AGPS: variants seen among roughly 807,000 people sequenced by gnomAD.
AGPS encodes alkyldihydroxyacetonephosphate synthase, peroxisomal.
Under a neutral mutation model 90.7 loss-of-function variants are expected in AGPS, and 26 were observed. That is an observed-to-expected ratio of 0.29 (90% confidence interval 0.21 to 0.40). AGPS has a LOEUF of 0.40. Among genes scored for constraint, AGPS ranks in the 10% least tolerant of loss-of-function variants. The pLI, the probability that AGPS is intolerant of heterozygous loss-of-function variation, is 1.00. For missense variants in AGPS, 540 were observed against 816.1 expected, an observed-to-expected ratio of 0.66 and a Z score of 4.12; for synonymous variants, 294 against 285.3, an observed-to-expected ratio of 1.03 and a Z score of -0.31.
intron 8 of AGPS, among the ~76,000 whole-genome samples, chr2:177,459,108 G>A (rs886638713): frequency 2.0e-5 from 3 of 152,150 alleles, no homozygotes; most frequent in Non-Finnish European, 4.4e-5. Flanking sequence ...TGGGAAAACT[G>A]GCTAGCCATA....
intron 7 of AGPS, among the ~76,000 whole-genome samples, chr2:177,444,498 CAT>C (rs1020688564): frequency 3.3e-5 from 5 of 150,036 alleles, no homozygotes; most frequent in African/African-American, 1.2e-4. Context: ...TTTTATGTAA[CAT>C]AAAACTAAAA....
At chr2:177,429,288 C>T (rs1686169292) in intron 2 of AGPS, among the ~76,000 whole-genome samples, 1 of 152,120 alleles carries the variant, frequency 6.6e-6, no homozygotes, top group Admixed American at 6.5e-5. Flanking sequence ...CGTTATTACC[C>T]ACCATCTGAA....
intron 9 of AGPS, among the ~76,000 whole-genome samples, chr2:177,463,526 A>T (rs1252113472): frequency 6.6e-6 from 1 of 152,172 alleles, no homozygotes; most frequent in Non-Finnish European, 1.5e-5. Context: ...CCACATTTTC[A>T]TCAATATCTT....
chr2:177,495,011 C>T (rs1688373404), intron 12 of AGPS, among the ~76,000 whole-genome samples: 1 of 152,132 alleles, frequency 6.6e-6, no homozygotes, highest in Non-Finnish European at 1.5e-5. Context: ...AAGCACATGC[C>T]ATATTATTAG....
intron 9 of AGPS, among the ~76,000 whole-genome samples, chr2:177,466,976 G>A (rs1490570288): frequency 1.3e-5 from 2 of 152,190 alleles, no homozygotes; most frequent in African/African-American, 2.4e-5. Context: ...GCTGCACTCA[G>A]GAATGCGTGG....
intron 16 of AGPS, among the ~76,000 whole-genome samples, chr2:177,511,121 T>C (rs553372886): frequency 4.6e-5 from 7 of 152,122 alleles, no homozygotes; most frequent in Non-Finnish European, 1.0e-4. Context: ...GTTGTTGAGA[T>C]GGGATCTCGC....
At position 177,402,167 on chromosome 2, in the gene AGPS, T is replaced by C. The variant is rs145434039; in HGVS notation, c.260+9118T>C. On this transcript the variant is annotated intron_variant, in intron 1 of 19. Coordinates refer to ENST00000264167, the MANE Select transcript of AGPS (RefSeq NM_003659.4). ...AAGTAGAGAGGGTAAGGAGGTAGGG[T>C]TCAAATTTTAAGAAGGATGTCAATG... Among the ~76,000 whole-genome samples the C allele has an allele frequency of 3.0e-3, 456 of 152,170 alleles. 3 individuals are homozygous for C. The highest frequency in any genetic ancestry group is 0.011 in the African/African-American group (437 of 41,528).
intron 14 of AGPS, among the ~76,000 whole-genome samples, chr2:177,503,907 T>C (rs1688634002): frequency 6.6e-6 from 1 of 152,172 alleles, no homozygotes; most frequent in South Asian, 2.1e-4. Context: ...TGAACAGATC[T>C]GTTTCCTCCC....
intron 10 of AGPS, among the ~76,000 whole-genome samples, chr2:177,479,186 C>T (rs1345877092): frequency 6.6e-6 from 1 of 152,106 alleles, no homozygotes; most frequent in African/African-American, 2.4e-5. Context: ...TCTAGGTTTG[C>T]TTCTCCTGGC....
At chr2:177,524,946 A>G (rs753018691) in intron 19 of AGPS, among the ~76,000 whole-genome samples, 1 of 152,166 alleles carries the variant, frequency 6.6e-6, no homozygotes, top group East Asian at 1.9e-4. Flanking sequence ...GTAGCTCCCA[A>G]CGTCATTGTG....
intron 1 of AGPS, among the ~76,000 whole-genome samples, chr2:177,412,775 G>A (rs1685655902): frequency 6.6e-6 from 1 of 152,106 alleles, no homozygotes; most frequent in South Asian, 2.1e-4. Context: ...TGGAATCTTG[G>A]GCCATGTGGT....
chr2:177,420,124 AAT>A, intron 1 of AGPS, 143 bp from the exon 2 acceptor site: 1 of 565,214 alleles, frequency 1.8e-6, no homozygotes, highest in East Asian at 2.9e-5. Flanking sequence ...TGGACATTTT[AAT>A]GTGTGCTAAT....
At chr2:177,416,309 T>C (rs1685783218) in intron 1 of AGPS, among the ~76,000 whole-genome samples, 1 of 152,182 alleles carries the variant, frequency 6.6e-6, no homozygotes, top group African/African-American at 2.4e-5. Flanking sequence ...AAATGCAAAA[T>C]GCTGAATATG....
At chr2:177,444,420 CAAAA>C (rs10618529) in intron 7 of AGPS, among the ~76,000 whole-genome samples, 21 of 90,984 alleles carry the variant, frequency 2.3e-4, no homozygotes, top group African/African-American at 5.7e-4. Flanking sequence ...GACTCTGTCT[CAAAA>C]AAAAAAAAAA....
intron 1 of AGPS, among the ~76,000 whole-genome samples, chr2:177,415,475 C>G (rs1685758800): frequency 6.6e-6 from 1 of 152,216 alleles, no homozygotes; most frequent in Non-Finnish European, 1.5e-5. Context: ...TTTGCATTAT[C>G]ACACTGCTAA....
In AGPS at chr2:177,521,166, A is replaced by G. The variant is rs888372568; in HGVS notation, c.1698-103A>G. ...GAGGCTGGGAAGAAACTGAGATTAT[A>G]TCTTAAACTAATCATTTGGGTCGTC... On this transcript the variant is annotated intron_variant, in intron 17 of 19. Transcript: ENST00000264167. 3.0e-6 allele frequency: 3 copies of G among 1,006,682 alleles called. No homozygotes were observed. In the African/African-American group the frequency reaches 4.8e-5, roughly 16 times the overall value. 62.4% of individuals were successfully genotyped at this position (1,006,682 alleles called of 1,614,324 possible).
chr2:177,515,165 A>G (rs1221169737), intron 17 of AGPS, among the ~76,000 whole-genome samples: 1 of 151,726 alleles, frequency 6.6e-6, no homozygotes, highest in Non-Finnish European at 1.5e-5. Flanking sequence ...TTTATTTTAA[A>G]TTTGGGGGTA....
At chr2:177,485,316 ATCTT>A (rs1485596117) in intron 11 of AGPS, among the ~76,000 whole-genome samples, 1 of 152,202 alleles carries the variant, frequency 6.6e-6, no homozygotes, top group East Asian at 1.9e-4. Flanking sequence ...ATGTAAATCT[ATCTT>A]AAATTTCATT....
At chr2:177,445,041 C>A (rs900283601) in intron 7 of AGPS, among the ~76,000 whole-genome samples, 1 of 152,060 alleles carries the variant, frequency 6.6e-6, no homozygotes, top group Non-Finnish European at 1.5e-5. Flanking sequence ...ATTCAAATGT[C>A]CTTGCAGATT....
Sources: gnomAD v4.1 joint callset for allele counts (sites outside exome capture counted in the v4.1 genomes callset) on GRCh38, gnomAD v4.1.1 for gene constraint, MANE v1.5 for transcripts, NCBI Gene and HGNC (gene_info 2026-07-23, HGNC 2026-07-21) for gene names.